The following WASHC5 variants were observed in gnomAD, a reference collection of about 807,000 sequenced individuals.
WASHC5 encodes the protein WASH complex subunit 5.
WASHC5 carries 101 observed loss-of-function variants against 150.4 expected under a neutral mutation model. That is an observed-to-expected ratio of 0.67 (90% CI 0.57 to 0.79). The LOEUF (loss-of-function observed/expected upper bound fraction) is 0.79. Among genes scored for constraint, WASHC5 ranks in the 30% least tolerant of loss-of-function variants. The probability of loss-of-function intolerance (pLI) is 0.00; values close to 1 mark genes in which losing one functional copy is unlikely to be tolerated. For missense variants in WASHC5, 1,195 were observed against 1,396.3 expected (o/e 0.86, Z 2.30); for synonymous variants, 467 against 491.2 (o/e 0.95, Z 0.65).
intron 11 of WASHC5, among the ~76,000 whole-genome samples, chr8:125,061,953 T>A (rs986562207): frequency 6.6e-5 from 10 of 152,160 alleles, no homozygotes; most frequent in African/African-American, 2.4e-4. Flanking sequence ...GGATTTACAA[T>A]TATCTGTCCA....
Position 125,078,935 on chromosome 8 carries a change from G to C in WASHC5, c.519-5C>G. 1 of 1,611,002 alleles carries C rather than the reference G, an allele frequency of 6.2e-7. No individual in the cohort carries two copies. Among genetic ancestry groups the C allele is most frequent in the Non-Finnish European group, 8.5e-7 (1 of 1,177,548 alleles). On this transcript the variant is annotated splice_polypyrimidine_tract_variant and splice_region_variant and intron_variant, in intron 5 of 28. Coordinates refer to ENST00000318410, the MANE Select transcript of WASHC5 (RefSeq NM_014846.4). ...TCAGCAGAAGATCGAGCAGCACTGA[G>C]TCATATTCACAATGGGAAACAAAGA...
chr8:125,081,324 G>A lies in WASHC5; in HGVS notation c.518+337C>T, dbSNP rs6981781. ...ATGATCTTCGCTCACTGCAACCTTCGCCTCCCGAGTTCAGGCGATTCTCCT... is the reference window on the plus strand; with the variant it reads ...ATGATCTTCGCTCACTGCAACCTTCACCTCCCGAGTTCAGGCGATTCTCCT... On this transcript the variant is annotated intron_variant, in intron 5 of 28. Transcript: ENST00000318410. 0.13 allele frequency among the ~76,000 whole-genome samples: 19,330 copies of A among 145,870 alleles called. 3,048 individuals carry two copies. The highest frequency in any genetic ancestry group is 0.38 in the African/African-American group (15,308 of 39,774).
chr8:125,044,161 CCTAAAA>C (rs1815984243), intron 21 of WASHC5, 67 bp from the exon 22 acceptor site: 5 of 1,059,510 alleles, frequency 4.7e-6, no homozygotes, highest in Non-Finnish European at 7.3e-6. Context: ...TCTCCAGTTA[CCTAAAA>C]TGCTATGCAG....
chr8:125,067,765 T>A, intron 9 of WASHC5, 46 bp from the exon 10 acceptor site: 2 of 1,592,380 alleles, frequency 1.3e-6, no homozygotes, highest in Non-Finnish European at 1.7e-6. Context: ...GTGTAGAAAA[T>A]ATCTATGAAA....
intron 26 of WASHC5, among the ~76,000 whole-genome samples, chr8:125,036,901 T>C (rs1348449264): frequency 1.3e-5 from 2 of 152,044 alleles, no homozygotes; most frequent in Non-Finnish European, 2.9e-5. Context: ...TAATCCCAGC[T>C]ACCTGGGAGG....
chr8:125,079,352 G>A (rs1235532958), intron 5 of WASHC5, among the ~76,000 whole-genome samples: 1 of 151,212 alleles, frequency 6.6e-6, no homozygotes, highest in Admixed American at 6.6e-5. Context: ...CACCGTGCCT[G>A]GCTAATTTTT....
At chr8:125,047,444 GT>G (rs796685951) in intron 19 of WASHC5, 113 bp from the exon 20 acceptor site, 33,297 of 793,168 alleles carry the variant, frequency 0.042, no homozygotes, top group East Asian at 0.055. Flanking sequence ...AATAAAGGTT[GT>G]TTTTTTTTTT....
intron 1 of WASHC5, among the ~76,000 whole-genome samples, chr8:125,088,430 A>T (rs1028683486): frequency 2.7e-5 from 4 of 150,778 alleles, no homozygotes; most frequent in Non-Finnish European, 5.9e-5. Flanking sequence ...ATCTCAAAAA[A>T]AAAAAAGGGG....
In WASHC5 at chr8:125,032,280, A is replaced by G. The variant is rs373599521; in HGVS notation, c.3296T>C (p.Ile1099Thr). ...CACCGTGGAGCAGATAAACTGGCCAATCAGCGCCAGGAACTGCTCGGTGTA... is the reference window on the plus strand; with the variant it reads ...CACCGTGGAGCAGATAAACTGGCCAGTCAGCGCCAGGAACTGCTCGGTGTA... ...SRYTEQFLAL[I>T]GQFICSTVEQ... The change falls in exon 27 of 29, where the codon ATT (isoleucine) becomes ACT (threonine). Residue 1099 changes from isoleucine to threonine, a missense_variant. By Grantham distance (89) the Ile-to-Thr change is moderately conservative (BLOSUM62 -1). Transcript: ENST00000318410. 6.6e-5 allele frequency: 106 copies of G among 1,614,012 alleles called. No homozygotes were observed. The highest frequency in any genetic ancestry group is 8.3e-5 in the Non-Finnish European group (98 of 1,179,996).
chr8:125,078,820 C>T lies in WASHC5; in HGVS notation c.629G>A (p.Ser210Asn). 6.2e-7 allele frequency: 1 copy of T among 1,613,960 alleles called. No homozygotes were observed. The highest frequency in any genetic ancestry group is 8.5e-7 in the Non-Finnish European group (1 of 1,179,908). The change falls in exon 6 of 29, where the codon AGC (serine) becomes AAC (asparagine). Residue 210 changes from serine (S) to asparagine (N), a missense_variant. Ser to Asn is a conservative substitution (Grantham distance 46). Around this residue, in one of 3 missense-constraint regions of WASHC5, gnomAD observed 997 missense variants for 1,168.1 expected, o/e 0.85. Coordinates refer to ENST00000318410, the MANE Select transcript of WASHC5 (RefSeq NM_014846.4). ...GTTGATAGGCACTCTCTGGAAATAG[C>T]TCTCGGGATAGTTGGATGGTCTTTT... ...GAKRPSNYPE[S>N]YFQRVPINES...
chr8:125,045,240 T>C (rs1465814532), intron 20 of WASHC5, among the ~76,000 whole-genome samples: 1 of 152,212 alleles, frequency 6.6e-6, no homozygotes, highest in Non-Finnish European at 1.5e-5. Flanking sequence ...CTTTTTAGAC[T>C]CAGAAGTGTG....
At chr8:125,037,198 G>T (rs923555695) in intron 26 of WASHC5, 39 bp downstream of exon 26, 2 of 1,096,132 alleles carry the variant, frequency 1.8e-6, no homozygotes, top group East Asian at 2.4e-5. Flanking sequence ...TAATCTGTTG[G>T]TATTGTTACT....
Position 125,078,755 on chromosome 8 carries a change from C to T in WASHC5, c.694G>A (p.Asp232Asn), listed in dbSNP as rs1817136668. ...ATTCCCACCTGGTTGTAAATATCAT[C>T]AGATCTCAGTCGACCAATGACCATA... The part of the protein sequence containing the change: ...ISMVIGRLRS[D>N]DIYNQVSAYP... Residue 232 changes from aspartate (D) to asparagine (N), a missense_variant, in exon 6 of 29, where the codon GAT (aspartate) becomes AAT (asparagine). Asp to Asn is a conservative substitution (Grantham distance 23). This residue lies in a region of WASHC5 where 997 missense variants were observed against 1,168.1 expected (regional missense o/e 0.85). Coordinates refer to ENST00000318410, the MANE Select transcript of WASHC5 (RefSeq NM_014846.4). 6.2e-7 allele frequency: 1 copy of T among 1,613,546 alleles called. No homozygotes were observed. The highest frequency in any genetic ancestry group is 8.5e-7 in the Non-Finnish European group (1 of 1,179,558).
intron 1 of WASHC5, among the ~76,000 whole-genome samples, chr8:125,084,907 G>C (rs955166721): frequency 8.5e-5 from 13 of 152,220 alleles, no homozygotes; most frequent in Admixed American, 3.3e-4. Context: ...CTGTTTTTAA[G>C]AATCTCCCCG....
chr8:125,054,605 G>T (rs112309798), intron 17 of WASHC5, among the ~76,000 whole-genome samples: 1 of 151,592 alleles, frequency 6.6e-6, no homozygotes, highest in Non-Finnish European at 1.5e-5. Context: ...AGGCCGAGGC[G>T]GGCGGGTCAC....
chr8:125,062,197 C>G (rs74305515), intron 11 of WASHC5, among the ~76,000 whole-genome samples: 4,404 of 152,030 alleles, frequency 0.029, 128 homozygotes, highest in South Asian at 0.16. Flanking sequence ...TGAGTGAGAC[C>G]CAGGCTCTCC....
chr8:125,024,331 A>C lies in WASHC5; in HGVS notation c.*286T>G, dbSNP rs1304735083. 2.2e-6 allele frequency: 1 copy of C among 455,518 alleles called. No individual in the cohort carries two copies. The highest frequency in any genetic ancestry group is 4.0e-6 in the Non-Finnish European group (1 of 250,132). 28.2% of individuals were successfully genotyped at this position (455,518 alleles called of 1,614,324 possible). On this transcript the variant is annotated 3_prime_UTR_variant, in exon 29 of 29. Transcript: ENST00000318410. ...AATAGTTCTTTAGAACATAAAACTAAATGGATTTATACATAACAGTTACAT... is the reference window on the plus strand; with the variant it reads ...AATAGTTCTTTAGAACATAAAACTACATGGATTTATACATAACAGTTACAT...
At position 125,072,260 on chromosome 8, in the gene WASHC5, G is replaced by A. The variant is rs115525598; in HGVS notation, c.1150+893C>T. Among the ~76,000 whole-genome samples, 479 of 146,582 alleles carry A rather than the reference G, an allele frequency of 3.3e-3. 3 individuals carry two copies. Among genetic ancestry groups the A allele is most frequent in the African/African-American group, 0.012 (468 of 39,540 alleles). ...TTGCGGGGATTGCGGAAGTTGTATCGCTTGAGCCCAGGAGGTCTGAGTGAG... is the reference window on the plus strand; with the variant it reads ...TTGCGGGGATTGCGGAAGTTGTATCACTTGAGCCCAGGAGGTCTGAGTGAG... On this transcript the variant is annotated intron_variant, in intron 9 of 28. Coordinates refer to ENST00000318410, the MANE Select transcript of WASHC5 (RefSeq NM_014846.4).
intron 21 of WASHC5, 127 bp downstream of exon 21, chr8:125,044,406 TATC>T: frequency 1.0e-6 from 1 of 972,474 alleles, no homozygotes; most frequent in Non-Finnish European, 1.7e-6. Flanking sequence ...ACCCAGTAGG[TATC>T]ATATGCCTAA....
Sources: gnomAD v4.1 joint callset for allele counts (sites outside exome capture counted in the v4.1 genomes callset) on GRCh38, gnomAD v4.1.1 for gene constraint, gnomAD v4.1.1 regional missense constraint, MANE v1.5 for transcripts, NCBI Gene and HGNC (gene_info 2026-07-23, HGNC 2026-07-21) for gene names.